LHCGR: variants seen among roughly 807,000 people sequenced by gnomAD.
LHCGR encodes luteinizing hormone/choriogonadotropin receptor, also known as lutropin-choriogonadotropic hormone receptor.
Under a neutral mutation model 60.7 loss-of-function variants are expected in LHCGR, and 55 were observed. That is an observed-to-expected ratio of 0.91 (90% CI 0.73 to 1.13). The LOEUF is 1.13. Ranked by LOEUF, LHCGR falls within the 50% of genes most tolerant of loss-of-function variation. LHCGR has a pLI of 0.00. For synonymous variants in LHCGR, 337 were observed against 316.5 expected (o/e 1.06, Z -0.69); for missense variants, 862 against 836.0 (o/e 1.03, Z -0.38).
intron 1 of LHCGR, among the ~76,000 whole-genome samples, chr2:48,752,288 A>G (rs942558226): frequency 6.6e-6 from 1 of 152,168 alleles, no homozygotes; most frequent in Non-Finnish European, 1.5e-5. Context: ...CTTAAACCAA[A>G]TAGTGAACTT....
intron 8 of LHCGR, among the ~76,000 whole-genome samples, chr2:48,707,018 T>C (rs534576885): frequency 6.6e-6 from 1 of 152,324 alleles, no homozygotes; most frequent in East Asian, 1.9e-4. Flanking sequence ...TTTCTCCCCA[T>C]CTTTGTGGTT....
intron 8 of LHCGR, among the ~76,000 whole-genome samples, chr2:48,707,173 T>G (rs1033049592): frequency 1.1e-4 from 17 of 152,176 alleles, no homozygotes; most frequent in African/African-American, 4.1e-4. Context: ...TCTGTTGGAG[T>G]TTGCTGGAGA....
chr2:48,748,814 A>T (rs920662258), intron 1 of LHCGR, among the ~76,000 whole-genome samples: 52 of 152,266 alleles, frequency 3.4e-4, no homozygotes, highest in African/African-American at 1.2e-3. Context: ...TCCCTTTTAC[A>T]GACAGCAAAG....
intron 8 of LHCGR, among the ~76,000 whole-genome samples, chr2:48,701,319 G>A (rs1558823906): frequency 6.6e-6 from 1 of 151,880 alleles, no homozygotes; most frequent in Non-Finnish European, 1.5e-5. Context: ...GTCTATATAA[G>A]TGACCACAGG....
chr2:48,714,461 G>C (rs186586474), intron 6 of LHCGR, among the ~76,000 whole-genome samples: 1 of 151,550 alleles, frequency 6.6e-6, no homozygotes, highest in Non-Finnish European at 1.5e-5. Flanking sequence ...GAGGGCAGAG[G>C]AAGCCTCCAG....
At chr2:48,696,336 G>T (rs1298098355) in intron 9 of LHCGR, among the ~76,000 whole-genome samples, 1 of 152,212 alleles carries the variant, frequency 6.6e-6, no homozygotes. Flanking sequence ...GCTCAGAAGG[G>T]ACTACTTCCA....
chr2:48,723,505 T>A lies in LHCGR; in HGVS notation c.487A>T (p.Thr163Ser), dbSNP rs774376572. 1.9e-6 allele frequency: 3 copies of A among 1,612,856 alleles called. No individual in the cohort carries two copies. The highest frequency in any genetic ancestry group is 2.7e-5 in the African/African-American group (2 of 75,012). The stretch of plus-strand genomic sequence containing the variant: ...CCTTGAAAAGCATTTCCTGGTATGG[T>A]GGTTATGTGTAAGTTATCACAAATT... ...LEICDNLHIT[T>S]IPGNAFQGMN... is the part of the protein sequence containing the mutation. Residue 163 changes from threonine to serine, a missense_variant, in exon 6 of 11, where the codon ACC (threonine) becomes TCC (serine). Coordinates refer to ENST00000294954, the MANE Select transcript of LHCGR (RefSeq NM_000233.4).
chr2:48,714,134 A>G (rs981265286), intron 6 of LHCGR, 80 bp from the exon 7 acceptor site: 44 of 932,994 alleles, frequency 4.7e-5, no homozygotes, highest in Non-Finnish European at 5.1e-5. Flanking sequence ...CTCCTGTAAC[A>G]TATATTACTA....
chr2:48,734,570 TC>T, intron 1 of LHCGR, among the ~76,000 whole-genome samples: 1 of 150,036 alleles, frequency 6.7e-6, no homozygotes, highest in Non-Finnish European at 1.5e-5. Flanking sequence ...TCCTTCCTCC[TC>T]TCTCCCTTCT....
At chr2:48,723,239 C>T (rs1444564775) in intron 6 of LHCGR, among the ~76,000 whole-genome samples, 3 of 152,190 alleles carry the variant, frequency 2.0e-5, no homozygotes, top group African/African-American at 7.2e-5. Context: ...TCCTCAGGGC[C>T]TGTTTGGTTA....
At chr2:48,731,966 T>C (rs941302457) in intron 1 of LHCGR, among the ~76,000 whole-genome samples, 8 of 152,176 alleles carry the variant, frequency 5.3e-5, no homozygotes, top group Non-Finnish European at 1.2e-4. Context: ...TCTCATGTCA[T>C]TTGCGGGGAA....
intron 7 of LHCGR, among the ~76,000 whole-genome samples, chr2:48,709,291 C>T (rs576688030): frequency 2.0e-5 from 3 of 152,156 alleles, no homozygotes; most frequent in African/African-American, 7.2e-5. Context: ...TACTCACCCC[C>T]TCCTGTCCTG....
In LHCGR at chr2:48,751,143, G is replaced by C. The variant is rs529759667; in HGVS notation, c.161+4368C>G. Among the ~76,000 whole-genome samples, 24 of 152,290 alleles carry C rather than the reference G, an allele frequency of 1.6e-4. No homozygotes were observed. The East Asian group carries it at 4.0e-3, about 26-fold the overall frequency. Reference sequence around the variant, plus strand: ...GGTGGGGCAGTGGGCATCAGGGAAGGCTTCATGGGGAAGTGACTCCTAATC... The same window carrying C: ...GGTGGGGCAGTGGGCATCAGGGAAGCCTTCATGGGGAAGTGACTCCTAATC... On this transcript the variant is annotated intron_variant, in intron 1 of 10. Transcript: ENST00000294954.
At chr2:48,725,778 T>A (rs1460035028) in intron 3 of LHCGR, 28 bp from the exon 4 acceptor site, 1 of 1,505,796 alleles carries the variant, frequency 6.6e-7, no homozygotes, top group South Asian at 1.1e-5. Context: ...AAAAAAAAGC[T>A]GCTGTTTAAT....
chr2:48,698,491 T>C (rs1558818691), intron 9 of LHCGR, 124 bp downstream of exon 9: 1 of 755,192 alleles, frequency 1.3e-6, no homozygotes, highest in African/African-American at 1.7e-5. Flanking sequence ...AGTGACCCCA[T>C]GTCTACGGAG....
chr2:48,713,207 A>G (rs1159914770), intron 7 of LHCGR, among the ~76,000 whole-genome samples: 1 of 123,328 alleles, frequency 8.1e-6, no homozygotes, highest in Non-Finnish European at 1.7e-5. Flanking sequence ...ATCATGGTTT[A>G]TACAACTTAT....
intron 1 of LHCGR, among the ~76,000 whole-genome samples, chr2:48,745,986 G>C (rs2103713779): frequency 6.6e-6 from 1 of 152,070 alleles, no homozygotes; most frequent in East Asian, 1.9e-4. Flanking sequence ...GTAGTTAAGA[G>C]CGCACACTCT....
rs549032969 is a variant in LHCGR, at chr2:48,755,598, A to G, written c.74T>C (p.Leu25Pro). 3 of 1,537,542 alleles carry G rather than the reference A, an allele frequency of 2.0e-6. No homozygotes were observed. Among genetic ancestry groups the G allele is most frequent in the Non-Finnish European group, 2.6e-6 (3 of 1,145,402 alleles). Residue 25 changes from leucine to proline, a missense_variant, in exon 1 of 11, where the codon CTG becomes CCG. By Grantham distance (98) the Leu-to-Pro change is moderately conservative. Coordinates refer to ENST00000294954, the MANE Select transcript of LHCGR (RefSeq NM_000233.4). Reference protein sequence around the residue: ...LLLQPPLPRALREALCPEPCN... With the variant: ...LLLQPPLPRAPREALCPEPCN... ...GGGCTCAGGGCAGAGCGCCTCGCGC[A>G]GCGCTCGTGGCAGCGGCGGCTGCAG... is the stretch of plus-strand genomic sequence containing the variant.
intron 1 of LHCGR, among the ~76,000 whole-genome samples, chr2:48,740,353 G>C (rs1262934527): frequency 6.6e-6 from 1 of 152,244 alleles, no homozygotes; most frequent in Non-Finnish European, 1.5e-5. Context: ...GCTCAAGAAG[G>C]CCTGCCTGCC....
Sources: allele counts gnomAD v4.1 joint callset (sites outside exome capture counted in the v4.1 genomes callset), GRCh38; gene constraint gnomAD v4.1.1; transcripts MANE v1.5; gene names NCBI Gene and HGNC (gene_info 2026-07-23, HGNC 2026-07-21).